The following LIFR variants were observed in gnomAD, a reference collection of about 807,000 sequenced individuals.
LIFR encodes the protein leukemia inhibitory factor receptor.
LIFR carries 84 observed loss-of-function variants against 122.2 expected under a neutral mutation model. That is an observed-to-expected ratio of 0.69 (90% CI 0.58 to 0.82). LIFR has a LOEUF of 0.82. LIFR is among the 40% of genes least tolerant of loss of function. LIFR has a pLI of 0.00. For missense variants in LIFR, 1,294 were observed against 1,311.6 expected (o/e 0.99, Z 0.21); for synonymous variants, 422 against 434.7 (o/e 0.97, Z 0.36).
At position 38,530,608 on chromosome 5, in the gene LIFR, TC is replaced by T. The variant is rs768029964; in HGVS notation, c.39del (p.Trp13Ter). On this transcript the variant is annotated frameshift_variant, in exon 2 of 20. Coordinates refer to ENST00000453190, the MANE Select transcript of LIFR (RefSeq NM_001127671.2). LOFTEE classifies it high-confidence loss of function. ...DIYVCLKRPS[W>X]MVDNKRMRTA... ...GTCCTCATTCTTTTATTGTCCACCA[TC>T]CAGGATGGTCGTTTCAAACATACGT... is the stretch of plus-strand genomic sequence containing the variant. 6.2e-7 allele frequency: 1 copy of T among 1,613,448 alleles called. No homozygotes were observed. The highest frequency in any genetic ancestry group is 8.5e-7 in the Non-Finnish European group (1 of 1,179,376).
chr5:38,523,377 T>C, intron 5 of LIFR, 42 bp downstream of exon 5: 1 of 1,541,798 alleles, frequency 6.5e-7, no homozygotes, highest in Non-Finnish European at 8.8e-7. Context: ...AATTATTCAG[T>C]TTCTTTAATG....
chr5:38,491,672 T>C (rs1218257481), intron 14 of LIFR, among the ~76,000 whole-genome samples: 2 of 152,258 alleles, frequency 1.3e-5, no homozygotes, highest in South Asian at 2.1e-4. Context: ...TTTGAGACAG[T>C]AGTCAACTTC....
intron 9 of LIFR, among the ~76,000 whole-genome samples, chr5:38,504,993 C>G (rs1212749793): frequency 6.6e-6 from 1 of 152,040 alleles, no homozygotes; most frequent in South Asian, 2.1e-4. Context: ...GTGCTGTGAG[C>G]CTGACATGGA....
At chr5:38,564,173 T>G (rs1183430877) in intron 1 of LIFR, among the ~76,000 whole-genome samples, 1 of 152,056 alleles carries the variant, frequency 6.6e-6, no homozygotes, top group Admixed American at 6.6e-5. Flanking sequence ...TGCAGAATTG[T>G]GTCTCTGTAG....
At chr5:38,489,302 G>C (rs528343912) in intron 15 of LIFR, 57 bp from the exon 16 acceptor site, 1 of 1,299,252 alleles carries the variant, frequency 7.7e-7, no homozygotes, top group South Asian at 1.2e-5. Flanking sequence ...GAGTAATACA[G>C]TAATGTTTCC....
rs1561154583 is a variant in LIFR at position 38,506,058 on chromosome 5, C to T, written c.1138G>A (p.Val380Ile). The T allele has an allele frequency of 3.1e-6, 5 of 1,595,348 alleles. No homozygotes were observed. Among genetic ancestry groups the T allele is most frequent in the East Asian group, 2.2e-5 (1 of 44,598 alleles). Reference protein sequence around the residue: ...TLVESFSGKYVRLKRAEAPTN... With the variant: ...TLVESFSGKYIRLKRAEAPTN... ...GGTGCTTCAGCTCTTTTAAGTCTAA[C>T]ATATTTTCCTGAAAAACTGTTAATT... Residue 380 changes from valine to isoleucine, a missense_variant, in exon 9 of 20, where the codon GTT (valine) becomes ATT (isoleucine). By Grantham distance (29) the Val-to-Ile change is conservative (BLOSUM62 3). Coordinates refer to ENST00000453190, the MANE Select transcript of LIFR (RefSeq NM_001127671.2).
At chr5:38,570,617 T>C (rs934576374) in intron 1 of LIFR, among the ~76,000 whole-genome samples, 2 of 152,198 alleles carry the variant, frequency 1.3e-5, no homozygotes, top group Admixed American at 1.3e-4. Context: ...AATAGATTCA[T>C]GGACACTTTA....
chr5:38,475,826 T>C lies in LIFR; in HGVS notation c.*5769A>G. The stretch of plus-strand genomic sequence containing the variant: ...AGGAAAGTTAAGTATTTTGAAATGA[T>C]TTATTTTACCTTTCAACATACTTTT... On this transcript the variant is annotated 3_prime_UTR_variant, in exon 20 of 20. Coordinates refer to ENST00000453190, the MANE Select transcript of LIFR (RefSeq NM_001127671.2). 1 of 189,326 alleles carries C rather than the reference T, an allele frequency of 5.3e-6. No individual in the cohort carries two copies. Among genetic ancestry groups the C allele is most frequent in the Non-Finnish European group, 1.1e-5 (1 of 89,804 alleles). 11.7% of individuals were successfully genotyped at this position (189,326 alleles called of 1,614,324 possible).
chr5:38,503,981 C>T lies in LIFR; in HGVS notation c.1432G>A (p.Glu478Lys), dbSNP rs1177269707. ...IEIKKSNSVQ[E>K]QRNVTIKGVE... ...AGTCTTTAAGAGAATCTTACCTGCTCTTGTACTGAATTAGATTTCTTAATT... is the reference window on the plus strand; with the variant it reads ...AGTCTTTAAGAGAATCTTACCTGCTTTTGTACTGAATTAGATTTCTTAATT... The change falls in exon 10 of 20, where the codon GAG (glutamate) becomes AAG (lysine). Residue 478 changes from glutamate (E) to lysine (K), a missense_variant. Transcript: ENST00000453190. 4 of 1,568,954 alleles carry T rather than the reference C, an allele frequency of 2.5e-6. No homozygotes were observed. The highest frequency in any genetic ancestry group is 1.4e-5 in the African/African-American group (1 of 73,884).
rs151104728 is a variant in LIFR, at chr5:38,561,839, A to G, written c.-19-31173T>C. Among the ~76,000 whole-genome samples, 96 of 152,258 alleles carry G rather than the reference A, an allele frequency of 6.3e-4. 2 individuals are homozygous for G. The East Asian group carries it at 0.018, about 28-fold the overall frequency. On this transcript the variant is annotated intron_variant, in intron 1 of 19. Coordinates refer to the LIFR transcript ENST00000263409. The stretch of plus-strand genomic sequence containing the variant: ...AAGCAGTCATTTTCCCTTTGGTTCC[A>G]TTGTATTGTTTACCATCACCTCCTG...
At chr5:38,528,547 A>G in intron 3 of LIFR, 179 bp downstream of exon 3, 1 of 638,990 alleles carries the variant, frequency 1.6e-6, no homozygotes, top group East Asian at 2.8e-5. Context: ...TTGCCATCAC[A>G]CCTCATAATG....
chr5:38,564,577 T>C (rs531720618), intron 1 of LIFR, among the ~76,000 whole-genome samples: 1 of 152,116 alleles, frequency 6.6e-6, no homozygotes, highest in African/African-American at 2.4e-5. Context: ...TTCTTCAACC[T>C]GAAAGTGATG....
chr5:38,509,447 G>A (rs540287521), intron 7 of LIFR, among the ~76,000 whole-genome samples: 3 of 152,184 alleles, frequency 2.0e-5, no homozygotes, highest in Admixed American at 1.3e-4. Context: ...AAGCTGAGAC[G>A]AGCACCTAAA....
intron 1 of LIFR, among the ~76,000 whole-genome samples, chr5:38,566,801 T>C (rs1424092482): frequency 6.6e-6 from 1 of 152,180 alleles, no homozygotes; most frequent in Non-Finnish European, 1.5e-5. Flanking sequence ...TGTCCCCCAT[T>C]CCTGGCTTTA....
intron 1 of LIFR, among the ~76,000 whole-genome samples, chr5:38,579,900 T>C (rs1162215229): frequency 6.6e-6 from 1 of 152,218 alleles, no homozygotes; most frequent in Non-Finnish European, 1.5e-5. Flanking sequence ...TGAAATTTAA[T>C]AGTGTTAATG....
chr5:38,493,700 G>A lies in LIFR; in HGVS notation c.1971C>T (p.Tyr657=), dbSNP rs774313251. The A allele has an allele frequency of 8.7e-6, 14 of 1,613,906 alleles. No individual in the cohort carries two copies. Among genetic ancestry groups the A allele is most frequent in the Admixed American group, 1.7e-5 (1 of 59,996 alleles). ...GAGACGAGTTACACCACTTAATGAC[G>A]TAGTCGCAAGTCATGTTGGGGTCGT... The part of the protein sequence containing the change: ...WHYDPNMTCD[Y]VIKWCNSSRS... The change falls in exon 14 of 20, where the codon TAC becomes TAT. Residue 657 remains tyrosine, a synonymous_variant. Coordinates refer to ENST00000453190, the MANE Select transcript of LIFR (RefSeq NM_001127671.2).
intron 13 of LIFR, 68 bp downstream of exon 13, chr5:38,496,313 GC>G: frequency 8.1e-7 from 1 of 1,234,536 alleles, no homozygotes; most frequent in Non-Finnish European, 1.2e-6. Context: ...TGACAAAAGA[GC>G]AAGTAACATC....
intron 1 of LIFR, among the ~76,000 whole-genome samples, chr5:38,539,157 T>C (rs1747450924): frequency 6.6e-6 from 1 of 152,090 alleles, no homozygotes; most frequent in East Asian, 1.9e-4. Flanking sequence ...GAGACGGGGT[T>C]TCACCGTGGT....
chr5:38,513,765 C>A (rs1745928753), intron 5 of LIFR, among the ~76,000 whole-genome samples: 1 of 152,056 alleles, frequency 6.6e-6, no homozygotes, highest in African/African-American at 2.4e-5. Context: ...GGGAAGGCCC[C>A]CATCAACAAG....
Sources: allele counts gnomAD v4.1 joint callset (sites outside exome capture counted in the v4.1 genomes callset), GRCh38; gene constraint gnomAD v4.1.1; transcripts MANE v1.5; gene names NCBI Gene and HGNC (gene_info 2026-07-23, HGNC 2026-07-21).